TAFA1: variants seen among roughly 807,000 people sequenced by gnomAD.
The protein encoded by TAFA1 is chemokine-like protein TAFA-1.
A neutral mutation model predicts 18.5 loss-of-function variants in TAFA1; 4 were observed. The ratio of observed to expected loss-of-function variants is 0.22; its 90% CI spans 0.11 to 0.49. The LOEUF is 0.49. TAFA1 is among the 20% of genes least tolerant of loss of function. The pLI, the probability that TAFA1 is intolerant of heterozygous loss-of-function variation, is 0.98. For missense variants in TAFA1, 147 were observed against 169.0 expected, an observed-to-expected ratio of 0.87 and a Z score of 0.72; for synonymous variants, 56 against 55.2, an observed-to-expected ratio of 1.01 and a Z score of -0.06.
At chr3:68,489,552 G>T (rs912499301) in intron 3 of TAFA1, among the ~76,000 whole-genome samples, 12 of 152,020 alleles carry the variant, frequency 7.9e-5, no homozygotes, top group African/African-American at 2.9e-4. Context: ...TAGACCCCCG[G>T]TGTTTTTCTA....
intron 2 of TAFA1, among the ~76,000 whole-genome samples, chr3:68,293,964 A>G (rs1042962907): frequency 6.6e-6 from 1 of 152,194 alleles, no homozygotes; most frequent in East Asian, 1.9e-4. Context: ...CTGCAAAGCT[A>G]TTGATTAAGA....
chr3:68,071,310 C>T (rs572399263), intron 2 of TAFA1, among the ~76,000 whole-genome samples: 6 of 152,296 alleles, frequency 3.9e-5, no homozygotes, highest in Admixed American at 1.3e-4. Context: ...GATGAGATCT[C>T]GTGAGACTTT....
intron 2 of TAFA1, among the ~76,000 whole-genome samples, chr3:68,342,624 CA>C (rs1465356638): frequency 6.6e-6 from 1 of 152,106 alleles, no homozygotes; most frequent in African/African-American, 2.4e-5. Context: ...AGTCATGATT[CA>C]AATATTTAAT....
intron 2 of TAFA1, among the ~76,000 whole-genome samples, chr3:68,135,682 A>G (rs974850549): frequency 2.0e-5 from 3 of 152,222 alleles, no homozygotes; most frequent in African/African-American, 7.2e-5. Flanking sequence ...TGTATGCTCA[A>G]AGTTGGAAGT....
upstream of TAFA1, among the ~76,000 whole-genome samples, chr3:68,002,439 T>C (rs1704293493): frequency 6.6e-6 from 1 of 152,168 alleles, no homozygotes; most frequent in Non-Finnish European, 1.5e-5. Context: ...ATGAAAAACA[T>C]AATGGTTACA....
chr3:67,993,103 CTACACA>C, the TAFA1 span, among the ~76,000 whole-genome samples: 1 of 152,330 alleles, frequency 6.6e-6, no homozygotes, highest in East Asian at 1.9e-4. Context: ...CTCTTTTCTC[CTACACA>C]TGCAGAGAAA....
At chr3:68,426,848 G>A (rs2071065346) in intron 3 of TAFA1, among the ~76,000 whole-genome samples, 1 of 151,764 alleles carries the variant, frequency 6.6e-6, no homozygotes, top group Non-Finnish European at 1.5e-5. Flanking sequence ...TTCTCAACAG[G>A]ATCAGATTCA....
chr3:67,993,587 C>T, the TAFA1 span, among the ~76,000 whole-genome samples: 2 of 152,156 alleles, frequency 1.3e-5, no homozygotes, highest in Non-Finnish European at 2.9e-5. Context: ...TACCATACTA[C>T]AGGGGGAAAA....
At chr3:68,143,639 C>T (rs1575642117) in intron 2 of TAFA1, among the ~76,000 whole-genome samples, 1 of 152,122 alleles carries the variant, frequency 6.6e-6, no homozygotes, top group African/African-American at 2.4e-5. Flanking sequence ...GAAGAGTCTT[C>T]GGACATGGCC....
At chr3:68,323,746 C>T (rs2068729306) in intron 2 of TAFA1, among the ~76,000 whole-genome samples, 1 of 152,148 alleles carries the variant, frequency 6.6e-6, no homozygotes, top group Non-Finnish European at 1.5e-5. Flanking sequence ...AGCAGCATGA[C>T]ATGAGGCAGT....
intron 2 of TAFA1, among the ~76,000 whole-genome samples, chr3:68,358,516 G>T (rs894170172): frequency 6.6e-6 from 1 of 151,914 alleles, no homozygotes; most frequent in Non-Finnish European, 1.5e-5. Flanking sequence ...GACTCTCTCA[G>T]ACACTGTATG....
chr3:68,464,656 A>G (rs1335145561), intron 3 of TAFA1, among the ~76,000 whole-genome samples: 1 of 152,176 alleles, frequency 6.6e-6, no homozygotes, highest in South Asian at 2.1e-4. Flanking sequence ...CATCTAGGCA[A>G]TGGCACATTT....
chr3:68,045,155 G>C (rs1465037606), intron 2 of TAFA1, among the ~76,000 whole-genome samples: 1 of 152,062 alleles, frequency 6.6e-6, no homozygotes. Context: ...CTCATTCTCT[G>C]GCCTAGGTAG....
At chr3:68,364,988 T>A (rs760474826) in intron 2 of TAFA1, among the ~76,000 whole-genome samples, 1 of 152,210 alleles carries the variant, frequency 6.6e-6, no homozygotes, top group African/African-American at 2.4e-5. Context: ...TTTAAGGTGA[T>A]AATCGGCTTG....
chr3:68,503,311 AC>A (rs2072691811), intron 3 of TAFA1, among the ~76,000 whole-genome samples: 1 of 152,162 alleles, frequency 6.6e-6, no homozygotes, highest in African/African-American at 2.4e-5. Context: ...GTACTGCAAA[AC>A]CCAAAAAACC....
chr3:68,317,838 A>G (rs1433735041), intron 2 of TAFA1, among the ~76,000 whole-genome samples: 1 of 151,978 alleles, frequency 6.6e-6, no homozygotes, highest in Non-Finnish European at 1.5e-5. Context: ...TGCTGTTTTT[A>G]TTTATTATTT....
intron 2 of TAFA1, among the ~76,000 whole-genome samples, chr3:68,363,261 T>C (rs557640437): frequency 1.3e-5 from 2 of 152,242 alleles, no homozygotes; most frequent in Admixed American, 6.5e-5. Context: ...GCTCAGTGAA[T>C]GAATGAGAGC....
chr3:68,282,841 A>C (rs2067922527), intron 2 of TAFA1, among the ~76,000 whole-genome samples: 1 of 152,152 alleles, frequency 6.6e-6, no homozygotes, highest in African/African-American at 2.4e-5. Flanking sequence ...AATTGATTCC[A>C]GATCTGTTCT....
intron 2 of TAFA1, among the ~76,000 whole-genome samples, chr3:68,027,225 G>A (rs146050448): frequency 6.6e-6 from 1 of 152,116 alleles, no homozygotes; most frequent in East Asian, 1.9e-4. Context: ...TCTCTAAGAC[G>A]TGAGAGGTTT....
Sources: gnomAD v4.1 joint callset for allele counts (sites outside exome capture counted in the v4.1 genomes callset) on GRCh38, gnomAD v4.1.1 for gene constraint, MANE v1.5 for transcripts, NCBI Gene and HGNC (gene_info 2026-07-23, HGNC 2026-07-21) for gene names.